The following PCDH9 variants were observed in gnomAD, a reference collection of about 807,000 sequenced individuals.
The protein encoded by PCDH9 is protocadherin 9.
A neutral mutation model predicts 70.6 loss-of-function variants in PCDH9; 24 were observed. The observed-to-expected ratio is 0.34, with a 90% confidence interval of 0.25 to 0.48. The LOEUF is 0.48. Ranked by LOEUF, PCDH9 falls within the 20% of genes least tolerant of loss-of-function variation. PCDH9 has a pLI of 0.99. For missense variants in PCDH9, 1,281 were observed against 1,503.6 expected (o/e 0.85, Z 2.45); for synonymous variants, 562 against 558.5 (o/e 1.01, Z -0.09).
intron 2 of PCDH9, among the ~76,000 whole-genome samples, chr13:66,926,802 G>C (rs1439868386): frequency 1.3e-5 from 2 of 152,016 alleles, no homozygotes; most frequent in Non-Finnish European, 2.9e-5. Context: ...CTTGCTGGTA[G>C]AGTTCCTATT....
rs543521354 is a variant in PCDH9 at position 66,677,885 on chromosome 13, A to C, written c.3139-46474T>G. ...ACAGAAGCACATATAATATTGAATA[A>C]ATATTTTAAAGTATGTACTCGTTAA... is the stretch of plus-strand genomic sequence containing the variant. On this transcript the variant is annotated intron_variant, in intron 3 of 4. Transcript: ENST00000377865. Among the ~76,000 whole-genome samples, 18 of 152,244 alleles carry C rather than the reference A, an allele frequency of 1.2e-4. 1 individual carries two copies. The South Asian group carries it at 3.5e-3, about 30-fold the overall frequency.
chr13:67,182,625 C>T (rs2088647221), intron 2 of PCDH9, among the ~76,000 whole-genome samples: 1 of 152,074 alleles, frequency 6.6e-6, no homozygotes, highest in Admixed American at 6.6e-5. Flanking sequence ...ACTTAGGATG[C>T]AATATAAATC....
At chr13:66,309,997 T>C (rs1178922739) in intron 4 of PCDH9, among the ~76,000 whole-genome samples, 1 of 152,034 alleles carries the variant, frequency 6.6e-6, no homozygotes, top group Admixed American at 6.6e-5. Flanking sequence ...ATTTCCTTTC[T>C]TTTAAAATAA....
intron 2 of PCDH9, among the ~76,000 whole-genome samples, chr13:67,044,016 C>T (rs1286395758): frequency 2.6e-5 from 4 of 152,028 alleles, no homozygotes; most frequent in African/African-American, 9.7e-5. Context: ...ATTCCTAATT[C>T]AAGGAAAGAG....
chr13:66,526,268 G>A (rs1020135141), intron 4 of PCDH9, among the ~76,000 whole-genome samples: 10 of 152,070 alleles, frequency 6.6e-5, no homozygotes, highest in African/African-American at 2.2e-4. Flanking sequence ...AAGAACACCT[G>A]AGGTTTGAGT....
At chr13:66,521,484 GC>G (rs1350122157) in intron 4 of PCDH9, among the ~76,000 whole-genome samples, 1 of 152,112 alleles carries the variant, frequency 6.6e-6, no homozygotes, top group Non-Finnish European at 1.5e-5. Context: ...ATCATAGGTA[GC>G]TAACATAGAA....
At chr13:66,444,180 G>C (rs910061025) in intron 4 of PCDH9, among the ~76,000 whole-genome samples, 18 of 152,054 alleles carry the variant, frequency 1.2e-4, no homozygotes, top group Admixed American at 4.6e-4. Context: ...GGACCTTTAA[G>C]CTTCCACAAG....
intron 4 of PCDH9, among the ~76,000 whole-genome samples, chr13:66,518,658 G>A (rs567813067): frequency 6.6e-6 from 1 of 151,974 alleles, no homozygotes; most frequent in African/African-American, 2.4e-5. Context: ...ATGAGAAAAC[G>A]CCCGAGGTTT....
intron 3 of PCDH9, among the ~76,000 whole-genome samples, chr13:66,696,032 T>G (rs1048460687): frequency 6.6e-6 from 1 of 152,168 alleles, no homozygotes; most frequent in African/African-American, 2.4e-5. Flanking sequence ...ATTTAGTTAG[T>G]TATGTATTTT....
chr13:66,611,616 G>A (rs111858616), intron 4 of PCDH9, among the ~76,000 whole-genome samples: 1,528 of 152,202 alleles, frequency 0.01, 29 homozygotes, highest in African/African-American at 0.034. Flanking sequence ...GTAAAATGCA[G>A]TTAAGATTAG....
intron 4 of PCDH9, among the ~76,000 whole-genome samples, chr13:66,592,373 C>T (rs1009183576): frequency 6.6e-6 from 1 of 151,598 alleles, no homozygotes; most frequent in Non-Finnish European, 1.5e-5. Flanking sequence ...CTATTTCATG[C>T]TTTCCTGCCT....
chr13:66,719,641 G>A (rs938209447), intron 3 of PCDH9, among the ~76,000 whole-genome samples: 8 of 152,160 alleles, frequency 5.3e-5, no homozygotes, highest in African/African-American at 1.4e-4. Context: ...GATTGGACCA[G>A]TTTGAACAAC....
chr13:66,961,342 A>T (rs2083341836), intron 2 of PCDH9, among the ~76,000 whole-genome samples: 1 of 152,210 alleles, frequency 6.6e-6, no homozygotes, highest in African/African-American at 2.4e-5. Flanking sequence ...CTTTTGTGTC[A>T]ACATTGTGTT....
chr13:67,016,279 T>C (rs1258146747), intron 2 of PCDH9, among the ~76,000 whole-genome samples: 1 of 152,126 alleles, frequency 6.6e-6, no homozygotes, highest in Non-Finnish European at 1.5e-5. Context: ...ACAAAGCCAG[T>C]GGGTGATACA....
intron 4 of PCDH9, among the ~76,000 whole-genome samples, chr13:66,371,545 C>G (rs1468603080): frequency 6.6e-6 from 1 of 151,980 alleles, no homozygotes; most frequent in African/African-American, 2.4e-5. Context: ...TGGAGAAAAA[C>G]TTGTTTGTTC....
intron 2 of PCDH9, among the ~76,000 whole-genome samples, chr13:67,095,129 T>C (rs925978419): frequency 1.3e-5 from 2 of 152,142 alleles, no homozygotes; most frequent in Non-Finnish European, 2.9e-5. Flanking sequence ...CACTGAAGCA[T>C]GAATAGCACA....
chr13:66,898,696 T>A (rs912141840), intron 3 of PCDH9, among the ~76,000 whole-genome samples: 5 of 152,174 alleles, frequency 3.3e-5, no homozygotes, highest in East Asian at 1.9e-4. Context: ...AATATTTTTT[T>A]AAAAAGAAAA....
chr13:66,473,133 A>G (rs1958651329), intron 4 of PCDH9, among the ~76,000 whole-genome samples: 1 of 152,048 alleles, frequency 6.6e-6, no homozygotes, highest in Admixed American at 6.5e-5. Context: ...GTTTATTCAA[A>G]CTTTTTTGGA....
chr13:66,526,937 G>T (rs1029312062), intron 4 of PCDH9, among the ~76,000 whole-genome samples: 1 of 152,176 alleles, frequency 6.6e-6, no homozygotes, highest in African/African-American at 2.4e-5. Context: ...TACTACTATA[G>T]TGATAGAAAA....
Sources: gnomAD v4.1 joint callset for allele counts (sites outside exome capture counted in the v4.1 genomes callset) on GRCh38, gnomAD v4.1.1 for gene constraint, MANE v1.5 for transcripts, NCBI Gene and HGNC (gene_info 2026-07-23, HGNC 2026-07-21) for gene names.